ATXN7: variants seen among roughly 807,000 people sequenced by gnomAD.
ATXN7 encodes the protein ataxin 7.
Under a neutral mutation model 70.5 loss-of-function variants are expected in ATXN7, and 12 were observed. That is an observed-to-expected ratio of 0.17 (90% CI 0.11 to 0.28). The LOEUF is 0.28. Among genes scored for constraint, ATXN7 ranks in the 10% least tolerant of loss-of-function variants. ATXN7 has a pLI of 1.00. For synonymous variants in ATXN7, 498 were observed against 448.7 expected, an observed-to-expected ratio of 1.11 and a Z score of -1.39; for missense variants, 1,256 against 1,131.7, an observed-to-expected ratio of 1.11 and a Z score of -1.58.
intron 4 of ATXN7, among the ~76,000 whole-genome samples, chr3:63,935,035 A>G (rs1475819092): frequency 6.6e-6 from 1 of 152,178 alleles, no homozygotes; most frequent in African/African-American, 2.4e-5. Flanking sequence ...ACTTTAATAT[A>G]TAGAAAGCCC....
chr3:63,993,022 C>A (rs926521219), intron 11 of ATXN7, among the ~76,000 whole-genome samples: 2 of 152,138 alleles, frequency 1.3e-5, no homozygotes, highest in Non-Finnish European at 2.9e-5. Context: ...TCCTTCCTTA[C>A]AGGGTTATTG....
chr3:63,952,496 C>G lies in ATXN7; in HGVS notation c.499+13C>G. On this transcript the variant is annotated intron_variant, in intron 5 of 12. Coordinates refer to ENST00000674280, the MANE Select transcript of ATXN7 (RefSeq NM_001377405.1). The stretch of plus-strand genomic sequence containing the variant: ...CAATCACATTATGGTAAGTGCTTAA[C>G]CATTTAAAAAATTGTTAATAGAAGG... 1 of 1,564,424 alleles carries G rather than the reference C, an allele frequency of 6.4e-7. No individual in the cohort carries two copies. Among genetic ancestry groups the G allele is most frequent in the Non-Finnish European group, 8.7e-7 (1 of 1,148,540 alleles).
In ATXN7 at chr3:63,912,774, G is replaced by A. The variant is rs1442217300; in HGVS notation, c.176G>A (p.Arg59Gln). ...QHPPPPPRRT[R>Q]PEDGGPGAAS... is the part of the protein sequence containing the mutation. Reference sequence around the variant, plus strand: ...CCGCCACCGCCGCCACGGCGCACACGGCCGGAGGACGGCGGGCCCGGCGCC... The same window carrying A: ...CCGCCACCGCCGCCACGGCGCACACAGCCGGAGGACGGCGGGCCCGGCGCC... The change falls in exon 3 of 13, where the codon CGG (arginine) becomes CAG (glutamine). Residue 59 changes from arginine (R) to glutamine (Q), a missense_variant. Coordinates refer to ENST00000674280, the MANE Select transcript of ATXN7 (RefSeq NM_001377405.1). The A allele has an allele frequency of 2.0e-6, 3 of 1,473,650 alleles. No individual in the cohort carries two copies. Among genetic ancestry groups the A allele is most frequent in the South Asian group, 1.4e-5 (1 of 73,856 alleles). 91.3% of individuals were successfully genotyped at this position (1,473,650 alleles called of 1,614,324 possible). A position where few individuals can be genotyped will look rare whatever the true frequency, so the allele number is the denominator to read the frequency against.
At chr3:63,922,201 G>T (rs115445417) in intron 4 of ATXN7, among the ~76,000 whole-genome samples, 1,677 of 151,820 alleles carry the variant, frequency 0.011, 34 homozygotes, top group African/African-American at 0.039. Context: ...TACCATGCCC[G>T]GCTAATTTTT....
In ATXN7 at chr3:64,001,910, C is replaced by T. The variant is rs887567467; in HGVS notation, c.*2443C>T. On this transcript the variant is annotated 3_prime_UTR_variant, in exon 13 of 13. Transcript: ENST00000674280. ...CAAATTTGCAGTGGTTGGGTTGTTTCTAGACAGACTTTGGTATCAATTTAA... is the reference window on the plus strand; with the variant it reads ...CAAATTTGCAGTGGTTGGGTTGTTTTTAGACAGACTTTGGTATCAATTTAA... 1 of 151,242 alleles carries T rather than the reference C, an allele frequency of 6.6e-6. No homozygotes were observed. The highest frequency in any genetic ancestry group is 1.5e-5 in the Non-Finnish European group (1 of 67,912). The allele number at this position is 151,242 out of a possible 1,614,324, so 9.4% of individuals were successfully genotyped here. A position where few individuals can be genotyped will look rare whatever the true frequency, so the allele number is the denominator to read the frequency against.
intron 11 of ATXN7, 138 bp downstream of exon 11, chr3:63,990,997 G>GTCAT (rs2075662964): frequency 7.8e-7 from 1 of 1,284,958 alleles, no homozygotes; most frequent in Non-Finnish European, 1.1e-6. Context: ...AAGGTGCCTT[G>GTCAT]TCATTCATTC....
intron 5 of ATXN7, among the ~76,000 whole-genome samples, chr3:63,958,658 GA>G (rs1443652706): frequency 1.3e-5 from 2 of 151,648 alleles, no homozygotes; most frequent in African/African-American, 4.9e-5. Context: ...GATAAAGAAA[GA>G]AAATGTTTTT....
intron 5 of ATXN7, among the ~76,000 whole-genome samples, chr3:63,954,869 C>T (rs1437655671): frequency 3.3e-5 from 5 of 151,688 alleles, no homozygotes; most frequent in Admixed American, 6.6e-5. Context: ...CCACTATGCC[C>T]GGCTAATTTT....
chr3:63,964,717 C>T (rs556193110), intron 5 of ATXN7, among the ~76,000 whole-genome samples: 3 of 152,316 alleles, frequency 2.0e-5, no homozygotes, highest in Non-Finnish European at 4.4e-5. Context: ...ACCTAATGAG[C>T]TCTGGATAAT....
At chr3:63,965,833 A>T (rs1253997787) in intron 5 of ATXN7, among the ~76,000 whole-genome samples, 1 of 152,190 alleles carries the variant, frequency 6.6e-6, no homozygotes, top group African/African-American at 2.4e-5. Flanking sequence ...TAAAATTTTA[A>T]TCTGAGCTTT....
chr3:63,978,455 A>G (rs1025075371), intron 5 of ATXN7, among the ~76,000 whole-genome samples: 21 of 152,208 alleles, frequency 1.4e-4, no homozygotes, highest in African/African-American at 4.8e-4. Context: ...CCTGGCTGAC[A>G]AGTGCTGATG....
intron 1 of ATXN7, among the ~76,000 whole-genome samples, chr3:63,880,874 C>T (rs1187911186): frequency 6.6e-6 from 1 of 152,198 alleles, no homozygotes; most frequent in Non-Finnish European, 1.5e-5. Flanking sequence ...ATGAGAACAG[C>T]GTTCATTGCT....
intron 5 of ATXN7, among the ~76,000 whole-genome samples, chr3:63,974,927 T>A (rs2075367729): frequency 6.6e-6 from 1 of 152,148 alleles, no homozygotes; most frequent in Non-Finnish European, 1.5e-5. Context: ...ATCAGATGTG[T>A]TTGGGTGTGG....
rs201086859 is a variant in ATXN7 at position 63,915,521 on chromosome 3, C to CT, written c.394+2298dup. Among the ~76,000 whole-genome samples the CT allele has an allele frequency of 6.6e-5, 10 of 152,288 alleles. No homozygotes were observed. The East Asian group carries it at 1.9e-3, about 29-fold the overall frequency. ...GAAAATACATTTAATATTATCAAAACTTATTAGACTATTATTCATTCATTG... is the reference window on the plus strand; with the variant it reads ...GAAAATACATTTAATATTATCAAAACTTTATTAGACTATTATTCATTCATTG... On this transcript the variant is annotated intron_variant, in intron 4 of 12. Transcript: ENST00000674280.
At chr3:63,997,867 A>C (rs78773963) in intron 12 of ATXN7, 1 of 985,406 alleles carries the variant, frequency 1.0e-6, no homozygotes, top group African/African-American at 1.7e-5. Flanking sequence ...GTATGGGGAA[A>C]ATATTTGTGA....
intron 4 of ATXN7, among the ~76,000 whole-genome samples, chr3:63,947,065 C>CCTTGGG (rs2074875951): frequency 6.6e-6 from 1 of 152,096 alleles, no homozygotes; most frequent in African/African-American, 2.4e-5. Flanking sequence ...TGGGTTTAAA[C>CCTTGGG]CTTGGGTGTG....
chr3:63,957,814 A>G (rs916663615), intron 5 of ATXN7, among the ~76,000 whole-genome samples: 1 of 152,260 alleles, frequency 6.6e-6, no homozygotes, highest in Non-Finnish European at 1.5e-5. Context: ...GGGAAATACC[A>G]GCTCAAGTTC....
At chr3:63,944,164 G>A (rs1207553427) in intron 4 of ATXN7, among the ~76,000 whole-genome samples, 2 of 152,128 alleles carry the variant, frequency 1.3e-5, no homozygotes, top group African/African-American at 2.4e-5. Flanking sequence ...TTGTTCCCCC[G>A]TATCTGCGGG....
intron 4 of ATXN7, among the ~76,000 whole-genome samples, chr3:63,926,523 G>A (rs769643442): frequency 7.2e-5 from 11 of 152,156 alleles, no homozygotes; most frequent in Non-Finnish European, 1.6e-4. Context: ...AGAGGCCAGT[G>A]TGGAGAGAAT....
Sources: gnomAD v4.1 joint callset for allele counts (sites outside exome capture counted in the v4.1 genomes callset) on GRCh38, gnomAD v4.1.1 for gene constraint, MANE v1.5 for transcripts, NCBI Gene and HGNC (gene_info 2026-07-23, HGNC 2026-07-21) for gene names.